COLQ: variants seen among roughly 807,000 people sequenced by gnomAD.
COLQ encodes collagen like tail subunit of asymmetric acetylcholinesterase, also known as acetylcholinesterase collagenic tail peptide.
COLQ carries 48 observed loss-of-function variants against 69.0 expected under a neutral mutation model. The observed-to-expected ratio is 0.70, with a 90% CI of 0.55 to 0.88. COLQ has a LOEUF of 0.88. Ranked by LOEUF, COLQ falls within the 40% of genes least tolerant of loss-of-function variation. COLQ has a pLI of 0.00. For missense variants in COLQ, 618 were observed against 594.6 expected (o/e 1.04, Z -0.41); for synonymous variants, 217 against 211.2 (o/e 1.03, Z -0.24).
At chr3:15,479,551 C>T (rs865923441) in intron 3 of COLQ, among the ~76,000 whole-genome samples, 169 bp from the exon 4 acceptor site, 4 of 152,176 alleles carry the variant, frequency 2.6e-5, no homozygotes, top group African/African-American at 9.7e-5. Flanking sequence ...CCAGTCCCCT[C>T]CTCTGTTCCT....
At chr3:15,471,304 T>C (rs181128314) in intron 10 of COLQ, among the ~76,000 whole-genome samples, 1 of 152,356 alleles carries the variant, frequency 6.6e-6, no homozygotes, top group East Asian at 1.9e-4. Flanking sequence ...AATATTCCTG[T>C]TTGTAAAGCT....
At chr3:15,504,295 C>G (rs551355976) in intron 1 of COLQ, among the ~76,000 whole-genome samples, 169 of 152,324 alleles carry the variant, frequency 1.1e-3, no homozygotes, top group Admixed American at 2.0e-3. Context: ...GCTTAAACAA[C>G]AGAGACTTGT....
Position 15,451,537 on chromosome 3 carries a change from G to A in COLQ, c.*107C>T. On this transcript the variant is annotated 3_prime_UTR_variant, in exon 17 of 17. Coordinates refer to ENST00000383788, the MANE Select transcript of COLQ (RefSeq NM_005677.4). ...GTAGCAGGAATTTGTCCTTGTTTTT[G>A]TCACACAAAGGTTGGTGGAGACGGG... 9.6e-7 allele frequency: 1 copy of A among 1,046,486 alleles called. No homozygotes were observed. Among genetic ancestry groups the A allele is most frequent in the East Asian group, 2.4e-5 (1 of 42,264 alleles). 64.8% of individuals were successfully genotyped at this position (1,046,486 alleles called of 1,614,324 possible).
intron 12 of COLQ, among the ~76,000 whole-genome samples, chr3:15,465,734 A>G (rs1400775306): frequency 1.3e-5 from 2 of 150,434 alleles, no homozygotes; most frequent in Non-Finnish European, 2.9e-5. Context: ...CTGGGATTAC[A>G]GCCGCGTGCC....
chr3:15,511,252 G>T (rs2062980808), intron 1 of COLQ, among the ~76,000 whole-genome samples: 2 of 152,202 alleles, frequency 1.3e-5, no homozygotes, highest in South Asian at 2.1e-4. Context: ...TGCGCTGCAA[G>T]TCTGTCTAAA....
At chr3:15,502,964 T>A (rs2062852793) in intron 1 of COLQ, among the ~76,000 whole-genome samples, 1 of 152,134 alleles carries the variant, frequency 6.6e-6, no homozygotes, top group Non-Finnish European at 1.5e-5. Flanking sequence ...AGGCGAAAAA[T>A]GACTCTTGGA....
At position 15,470,434 on chromosome 3, in the gene COLQ, T is replaced by C. The variant is rs1486936274; in HGVS notation, c.717+102A>G. The C allele has an allele frequency of 3.9e-6, 4 of 1,032,884 alleles. No individual in the cohort carries two copies. The African/African-American group carries it at 4.7e-5, about 12-fold the overall frequency. The allele number at this position is 1,032,884 out of a possible 1,614,324, so 64.0% of individuals were successfully genotyped here. On this transcript the variant is annotated intron_variant, in intron 11 of 16. Transcript: ENST00000383788. ...AGCCCAGAGGATGCTGGAGTCAAGG[T>C]CTACAGAATATCTCTGATTAACGCC...
rs549603191 is a variant in COLQ, at chr3:15,502,602, C to T, written c.107-12965G>A. On this transcript the variant is annotated intron_variant, in intron 1 of 16. Coordinates refer to ENST00000383788, the MANE Select transcript of COLQ (RefSeq NM_005677.4). Reference sequence around the variant, plus strand: ...CTGTTTTTTGTATTTTTAGTAGAGACGGGGTCTCACCATATTGCCCAGGCT... The same window carrying T: ...CTGTTTTTTGTATTTTTAGTAGAGATGGGGTCTCACCATATTGCCCAGGCT... Among the ~76,000 whole-genome samples the T allele has an allele frequency of 6.9e-4, 105 of 152,176 alleles. 1 individual carries two copies. Among genetic ancestry groups the T allele is most frequent in the African/African-American group, 2.3e-3 (95 of 41,500 alleles).
intron 1 of COLQ, among the ~76,000 whole-genome samples, chr3:15,520,944 C>T (rs2063127761): frequency 6.6e-6 from 1 of 152,276 alleles, no homozygotes; most frequent in African/African-American, 2.4e-5. Context: ...GGAAGTCGCA[C>T]CCAGGAAGAC....
intron 1 of COLQ, among the ~76,000 whole-genome samples, chr3:15,497,307 G>A (rs1229477713): frequency 2.6e-5 from 4 of 152,086 alleles, no homozygotes; most frequent in Admixed American, 6.5e-5. Flanking sequence ...GCCTCTCAAA[G>A]TGTTGGGATT....
chr3:15,466,376 G>C lies in COLQ; in HGVS notation c.779C>G (p.Pro260Arg), dbSNP rs1251662945. ...PPGKPGPSGQ[P>R]GRPGPPGPPP... is the part of the protein sequence containing the mutation. ...GGGGCCTGGGGGCCCCGGACGGCCA[G>C]GTTGACCAGAAGGCCCAGGCTTGCC... is the stretch of plus-strand genomic sequence containing the variant. The change falls in exon 12 of 17, where the codon CCT (proline) becomes CGT (arginine). Residue 260 changes from proline to arginine, a missense_variant. Transcript: ENST00000383788. 5.0e-6 allele frequency: 8 copies of C among 1,614,148 alleles called. No individual in the cohort carries two copies. The highest frequency in any genetic ancestry group is 6.8e-6 in the Non-Finnish European group (8 of 1,180,034).
chr3:15,458,107 G>T (rs2062050131), intron 13 of COLQ, 79 bp downstream of exon 13: 1 of 1,523,434 alleles, frequency 6.6e-7, no homozygotes, highest in African/African-American at 1.4e-5. Context: ...TTTACTGAAA[G>T]GATTTTACAA....
intron 11 of COLQ, among the ~76,000 whole-genome samples, chr3:15,469,112 C>T (rs2062243708): frequency 6.6e-6 from 1 of 152,200 alleles, no homozygotes; most frequent in Admixed American, 6.5e-5. Flanking sequence ...CGAGGGTTTG[C>T]AGCACCCTCG....
intron 1 of COLQ, among the ~76,000 whole-genome samples, chr3:15,495,030 C>T (rs747349092): frequency 2.6e-5 from 4 of 152,114 alleles, no homozygotes; most frequent in South Asian, 2.1e-4. Flanking sequence ...GCAATTTGTC[C>T]GAAGTCATAT....
intron 12 of COLQ, among the ~76,000 whole-genome samples, chr3:15,461,435 G>C (rs2062112748): frequency 6.6e-6 from 1 of 152,152 alleles, no homozygotes; most frequent in Non-Finnish European, 1.5e-5. Flanking sequence ...AAAGGACTCA[G>C]CAACCTGAAC....
intron 1 of COLQ, chr3:15,498,901 C>G: frequency 7.7e-7 from 1 of 1,306,438 alleles, no homozygotes. Context: ...ATACTTATCC[C>G]CCTGCAAGCC....
chr3:15,469,602 G>T (rs1196330493), intron 11 of COLQ, among the ~76,000 whole-genome samples: 1 of 152,082 alleles, frequency 6.6e-6, no homozygotes, highest in Admixed American at 6.5e-5. Flanking sequence ...GACCAGAATT[G>T]GCTTCATAGT....
At chr3:15,478,544 T>G in intron 5 of COLQ, 2 of 254,072 alleles carry the variant, frequency 7.9e-6, no homozygotes, top group Non-Finnish European at 1.6e-5. Flanking sequence ...TAACCTCCAT[T>G]TATTTCAGCT....
chr3:15,474,183 T>C (rs2062338387), intron 9 of COLQ, 45 bp downstream of exon 9: 4 of 1,610,944 alleles, frequency 2.5e-6, no homozygotes, highest in Non-Finnish European at 3.4e-6. Flanking sequence ...GGGCTGCTAC[T>C]TGCACTGACA....
Sources: gnomAD v4.1 joint callset for allele counts (sites outside exome capture counted in the v4.1 genomes callset) on GRCh38, gnomAD v4.1.1 for gene constraint, MANE v1.5 for transcripts, NCBI Gene and HGNC (gene_info 2026-07-23, HGNC 2026-07-21) for gene names.